CFDP1: variants seen among roughly 807,000 people sequenced by gnomAD.
The protein encoded by CFDP1 is chromatin remodeling protein CFDP1.
Under a neutral mutation model 40.1 loss-of-function variants are expected in CFDP1, and 31 were observed. That is an observed-to-expected ratio of 0.77 (90% CI 0.58 to 1.04). The LOEUF is 1.04. CFDP1 is among the 50% of genes least tolerant of loss of function. The probability of loss-of-function intolerance (pLI) is 0.00; values close to 1 mark genes in which losing one functional copy is unlikely to be tolerated. For synonymous variants in CFDP1, 167 were observed against 120.0 expected (o/e 1.39, Z -2.56); for missense variants, 423 against 343.4 (o/e 1.23, Z -1.83).
At position 75,433,272 on chromosome 16, in the gene CFDP1, C is replaced by G; in HGVS notation, c.64+17G>C. 6.3e-7 allele frequency: 1 copy of G among 1,590,814 alleles called. No homozygotes were observed. The highest frequency in any genetic ancestry group is 8.5e-7 in the Non-Finnish European group (1 of 1,170,894). Reference sequence around the variant, plus strand: ...GGGCGGGGCAATTCGCTTCTCGCCTCAGGCGGAATCGCTCACCCGACGGCA... The same window carrying G: ...GGGCGGGGCAATTCGCTTCTCGCCTGAGGCGGAATCGCTCACCCGACGGCA... On this transcript the variant is annotated intron_variant, in intron 1 of 6. Coordinates refer to ENST00000283882, the MANE Select transcript of CFDP1 (RefSeq NM_006324.3).
intron 5 of CFDP1, among the ~76,000 whole-genome samples, chr16:75,310,581 G>A (rs2078288472): frequency 6.6e-6 from 1 of 152,148 alleles, no homozygotes; most frequent in Admixed American, 6.5e-5. Flanking sequence ...ACTTCATCCT[G>A]TTGAGTCTGT....
intron 5 of CFDP1, among the ~76,000 whole-genome samples, chr16:75,322,293 G>C (rs1018464212): frequency 3.3e-5 from 5 of 152,166 alleles, no homozygotes; most frequent in Admixed American, 3.3e-4. Flanking sequence ...TAAAGCACTT[G>C]GGTACAGTGG....
intron 5 of CFDP1, among the ~76,000 whole-genome samples, chr16:75,390,579 C>A (rs1032897033): frequency 2.6e-5 from 4 of 152,224 alleles, no homozygotes; most frequent in African/African-American, 4.8e-5. Context: ...CAGAGATAGT[C>A]TTGAGACCCA....
At chr16:75,398,411 G>A (rs1353270730) in intron 4 of CFDP1, among the ~76,000 whole-genome samples, 1 of 152,186 alleles carries the variant, frequency 6.6e-6, no homozygotes, top group Non-Finnish European at 1.5e-5. Context: ...GGGGGAGTCT[G>A]TGTCATCACC....
intron 5 of CFDP1, among the ~76,000 whole-genome samples, chr16:75,354,635 T>C (rs1447866159): frequency 6.6e-6 from 1 of 152,232 alleles, no homozygotes; most frequent in African/African-American, 2.4e-5. Context: ...CTGTTCCATC[T>C]TTCCAACTCT....
chr16:75,424,423 T>A (rs2079311150), intron 1 of CFDP1, among the ~76,000 whole-genome samples: 1 of 152,096 alleles, frequency 6.6e-6, no homozygotes, highest in African/African-American at 2.4e-5. Flanking sequence ...TAACACCACA[T>A]CAAGTGGTAA....
intron 5 of CFDP1, among the ~76,000 whole-genome samples, chr16:75,375,529 T>C (rs1597363964): frequency 1.3e-5 from 2 of 152,198 alleles, no homozygotes; most frequent in African/African-American, 2.4e-5. Flanking sequence ...CGGTGGCTCA[T>C]GCCTGTAATC....
At chr16:75,404,952 G>C (rs1018108283) in intron 4 of CFDP1, among the ~76,000 whole-genome samples, 8 of 152,130 alleles carry the variant, frequency 5.3e-5, no homozygotes, top group African/African-American at 1.9e-4. Context: ...GGGATAACTG[G>C]GGAAAAACTG....
intron 1 of CFDP1, among the ~76,000 whole-genome samples, 166 bp downstream of exon 1, chr16:75,433,123 G>C (rs3743609): frequency 0.49 from 74,835 of 152,078 alleles, 19,909 homozygotes; most frequent in Admixed American, 0.63. Flanking sequence ...CACACGCCTC[G>C]GGCCGGAGCG....
At chr16:75,412,490 G>A in intron 3 of CFDP1, 45 bp downstream of exon 3, 1 of 1,396,210 alleles carries the variant, frequency 7.2e-7, no homozygotes, top group South Asian at 1.2e-5. Flanking sequence ...CAGTAATGTA[G>A]GGTATTTCTG....
intron 1 of CFDP1, among the ~76,000 whole-genome samples, chr16:75,427,740 A>G (rs761141708): frequency 1.1e-4 from 17 of 152,210 alleles, no homozygotes; most frequent in Non-Finnish European, 2.5e-4. Flanking sequence ...CCACTCCTAG[A>G]TATTGACTCA....
At chr16:75,431,459 A>AAAAC (rs1371310614) in intron 1 of CFDP1, among the ~76,000 whole-genome samples, 1 of 146,734 alleles carries the variant, frequency 6.8e-6, no homozygotes, top group Non-Finnish European at 1.5e-5. Context: ...TGTCTCAAAA[A>AAAAC]AAAAAAAAAA....
At chr16:75,395,670 A>C (rs2151565070) in intron 4 of CFDP1, among the ~76,000 whole-genome samples, 1 of 152,302 alleles carries the variant, frequency 6.6e-6, no homozygotes, top group Non-Finnish European at 1.5e-5. Context: ...AAAAAATAAA[A>C]AAAATAAAAA....
intron 4 of CFDP1, among the ~76,000 whole-genome samples, chr16:75,407,036 C>T (rs2079106608): frequency 6.6e-6 from 1 of 151,994 alleles, no homozygotes; most frequent in Admixed American, 6.6e-5. Context: ...AATAAACAAG[C>T]AAACAAATAA....
At chr16:75,336,431 G>A (rs568385738) in intron 5 of CFDP1, among the ~76,000 whole-genome samples, 74 of 152,220 alleles carry the variant, frequency 4.9e-4, no homozygotes, top group Non-Finnish European at 9.0e-4. Flanking sequence ...CAGCAAGAAC[G>A]GGCAGTGATC....
At chr16:75,402,573 CACT>C (rs1453003916) in intron 4 of CFDP1, among the ~76,000 whole-genome samples, 1 of 152,206 alleles carries the variant, frequency 6.6e-6, no homozygotes, top group Non-Finnish European at 1.5e-5. Context: ...TTTGTGCTAA[CACT>C]ACCTTACACT....
intron 1 of CFDP1, among the ~76,000 whole-genome samples, chr16:75,424,702 CA>C (rs1400896813): frequency 6.8e-6 from 1 of 147,166 alleles, no homozygotes; most frequent in Non-Finnish European, 1.5e-5. Flanking sequence ...CACAGTGACC[CA>C]AGATCGTGCC....
Position 75,293,950 on chromosome 16 carries a change from C to T in CFDP1, c.*2G>A, listed in dbSNP as rs1046615724. 2 of 1,612,292 alleles carry T rather than the reference C, an allele frequency of 1.2e-6. No individual in the cohort carries two copies. The highest frequency in any genetic ancestry group is 1.7e-6 in the Non-Finnish European group (2 of 1,178,540). On this transcript the variant is annotated 3_prime_UTR_variant, in exon 7 of 7. Transcript: ENST00000283882. ...AAGCTGCTCTTGATTTAGCCCGTAACATCAAGGTTTCATTTTGCTCAGCCT... is the reference window on the plus strand; with the variant it reads ...AAGCTGCTCTTGATTTAGCCCGTAATATCAAGGTTTCATTTTGCTCAGCCT...
intron 1 of CFDP1, among the ~76,000 whole-genome samples, chr16:75,430,247 T>C (rs373156217): frequency 1.3e-5 from 2 of 152,152 alleles, no homozygotes; most frequent in South Asian, 4.1e-4. Flanking sequence ...CTCAGCTCAC[T>C]GCAACCCCAC....
Sources: gnomAD v4.1 joint callset for allele counts (sites outside exome capture counted in the v4.1 genomes callset) on GRCh38, gnomAD v4.1.1 for gene constraint, MANE v1.5 for transcripts, NCBI Gene and HGNC (gene_info 2026-07-23, HGNC 2026-07-21) for gene names.